Variants in ZNF521 observed in about 807,000 individuals in gnomAD.
The protein encoded by ZNF521 is zinc finger protein 521.
ZNF521 carries 14 observed loss-of-function variants against 105.5 expected under a neutral mutation model. That is an observed-to-expected ratio of 0.13 (90% CI 0.09 to 0.21). The LOEUF (loss-of-function observed/expected upper bound fraction) is 0.21. Among genes scored for constraint, ZNF521 ranks in the 10% least tolerant of loss-of-function variants. The pLI is 1.00. For synonymous variants in ZNF521, 635 were observed against 606.0 expected (o/e 1.05, Z -0.70); for missense variants, 1,233 against 1,629.7 (o/e 0.76, Z 4.19).
At chr18:25,066,923 T>C (rs2033077021) in intron 7 of ZNF521, among the ~76,000 whole-genome samples, 1 of 152,206 alleles carries the variant, frequency 6.6e-6, no homozygotes, top group African/African-American at 2.4e-5. Context: ...AGTACTTTAA[T>C]GCAATGACAG....
chr18:25,087,133 A>G (rs1424812717), intron 7 of ZNF521, among the ~76,000 whole-genome samples: 2 of 152,176 alleles, frequency 1.3e-5, no homozygotes, highest in Non-Finnish European at 2.9e-5. Context: ...GATTTTTAAG[A>G]TGGAAAATGA....
In ZNF521 at chr18:25,225,611, G is replaced by A; in HGVS notation, c.2307C>T (p.Leu769=). The stretch of plus-strand genomic sequence containing the variant: ...TTTCCAGGTGGTTGTGTTTCACATG[G>A]AGCTGCAAGTCAGTTTCGTTGCGGA... ...WDFRNETDLQ[L]HVKHNHLENQ... Residue 769 remains leucine (L), a synonymous_variant, in exon 4 of 8, where the codon CTC becomes CTT. Transcript: ENST00000361524. The surrounding 1 kb of genome is among the most constrained non-coding windows in gnomAD (Gnocchi z 5.6). 6.2e-7 allele frequency: 1 copy of A among 1,614,166 alleles called. No individual in the cohort carries two copies. The highest frequency in any genetic ancestry group is 8.5e-7 in the Non-Finnish European group (1 of 1,180,030).
intron 5 of ZNF521, among the ~76,000 whole-genome samples, chr18:25,180,524 AC>A (rs199555223): frequency 1.3e-4 from 19 of 151,102 alleles, no homozygotes; most frequent in African/African-American, 3.9e-4. Context: ...AAAAAAAAAA[AC>A]CCCACATTTA....
intron 5 of ZNF521, among the ~76,000 whole-genome samples, chr18:25,151,288 CTG>C (rs1257427813): frequency 6.6e-6 from 1 of 152,176 alleles, no homozygotes; most frequent in African/African-American, 2.4e-5. Flanking sequence ...TCCTGGGACT[CTG>C]TACTCATCAT....
chr18:25,290,567 G>A (rs1186284460), intron 3 of ZNF521, among the ~76,000 whole-genome samples: 1 of 150,198 alleles, frequency 6.7e-6, no homozygotes, highest in African/African-American at 2.5e-5. Context: ...TACTTCTATT[G>A]AAGTAGAAGT....
chr18:25,350,697 G>A (rs1401173032), intron 2 of ZNF521, among the ~76,000 whole-genome samples: 1 of 148,940 alleles, frequency 6.7e-6, no homozygotes, highest in Non-Finnish European at 1.5e-5. Context: ...CGCCCCATTC[G>A]GGGATCCTCC....
Position 25,172,028 on chromosome 18 carries a change from G to C in ZNF521, c.3658+23132C>G, listed in dbSNP as rs114930075. Among the ~76,000 whole-genome samples the C allele has an allele frequency of 3.3e-3, 508 of 151,842 alleles. 2 individuals are homozygous for C. Among genetic ancestry groups the C allele is most frequent in the African/African-American group, 0.012 (481 of 41,432 alleles). The stretch of plus-strand genomic sequence containing the variant: ...GATATGATTCCTGCAGTTCTCTTTT[G>C]GGGGGGAAGAGGGGGCATGAGGTGG... On this transcript the variant is annotated intron_variant, in intron 5 of 7. Transcript: ENST00000361524.
chr18:25,157,560 G>A (rs567122894), intron 5 of ZNF521, among the ~76,000 whole-genome samples: 3 of 152,266 alleles, frequency 2.0e-5, no homozygotes, highest in East Asian at 3.9e-4. Flanking sequence ...CGTGCAAAAC[G>A]TCTAAGTGGA....
At chr18:25,278,303 A>C (rs1456353743) in intron 3 of ZNF521, among the ~76,000 whole-genome samples, 1 of 152,200 alleles carries the variant, frequency 6.6e-6, no homozygotes, top group East Asian at 1.9e-4. Context: ...TCATTAGTAA[A>C]TGCCTCAGCA....
intron 7 of ZNF521, among the ~76,000 whole-genome samples, chr18:25,087,029 TTCTAGACGCTAC>T (rs1184433345): frequency 6.6e-6 from 1 of 152,194 alleles, no homozygotes; most frequent in East Asian, 1.9e-4. Flanking sequence ...CAGTGAAGTT[TTCTAGACGCTAC>T]CTGATATGTG....
intron 7 of ZNF521, among the ~76,000 whole-genome samples, chr18:25,083,638 T>C (rs2033553244): frequency 6.6e-6 from 1 of 152,262 alleles, no homozygotes; most frequent in South Asian, 2.1e-4. Context: ...TTTCTTTGCC[T>C]ATCTTCTCTT....
chr18:25,349,716 G>A (rs1914630228), intron 2 of ZNF521, among the ~76,000 whole-genome samples: 1 of 151,540 alleles, frequency 6.6e-6, no homozygotes, highest in Non-Finnish European at 1.5e-5. Flanking sequence ...GCAGCCAGGA[G>A]GAAGAGGATG....
chr18:25,226,507 C>A lies in ZNF521; in HGVS notation c.1411G>T (p.Ala471Ser). 1 of 1,614,114 alleles carries A rather than the reference C, an allele frequency of 6.2e-7. No individual in the cohort carries two copies. The highest frequency in any genetic ancestry group is 1.1e-5 in the South Asian group (1 of 91,084). ...EAQDPGLIVS[A>S]MPAIVYQCNF... ...CACTGGTAGACAATGGCAGGCATGGCAGAAACAATCAGACCTGGGTCCTGA... is the reference window on the plus strand; with the variant it reads ...CACTGGTAGACAATGGCAGGCATGGAAGAAACAATCAGACCTGGGTCCTGA... Residue 471 changes from alanine to serine, a missense_variant, in exon 4 of 8, where the codon GCC (alanine) becomes TCC (serine). Ala to Ser is a moderately conservative substitution (Grantham distance 99). This residue lies in a region of ZNF521 where 380 missense variants were observed against 478.0 expected (regional missense o/e 0.80). Transcript: ENST00000361524. The surrounding 1 kb of genome is among the most constrained non-coding windows in gnomAD (Gnocchi z 4.1).
chr18:25,277,778 C>T (rs754688284), intron 3 of ZNF521, among the ~76,000 whole-genome samples: 3 of 152,158 alleles, frequency 2.0e-5, no homozygotes, highest in Non-Finnish European at 2.9e-5. Context: ...TAACAGTTAT[C>T]ATTGATGGCA....
rs1555658165 is a variant in ZNF521, at chr18:25,284,910, G to GCGCACACACACA, written c.220+37097_220+37098insTGTGTGTGTGCG. Among the ~76,000 whole-genome samples, 459 of 148,668 alleles carry GCGCACACACACA rather than the reference G, an allele frequency of 3.1e-3. 3 individuals carry two copies. The highest frequency in any genetic ancestry group is 0.011 in the African/African-American group (439 of 40,818). On this transcript the variant is annotated intron_variant, in intron 3 of 7. Coordinates refer to ENST00000361524, the MANE Select transcript of ZNF521 (RefSeq NM_015461.3). ...CAAACACTCATGTGCGTGCGCGCGC[G>GCGCACACACACA]CACACACACACACACACACACACAG...
intron 5 of ZNF521, among the ~76,000 whole-genome samples, chr18:25,106,361 G>C (rs2034073527): frequency 6.6e-6 from 1 of 151,832 alleles, no homozygotes; most frequent in Non-Finnish European, 1.5e-5. Context: ...CAAATGATTG[G>C]GGTTAACAAA....
At chr18:25,109,545 C>T (rs12953891) in intron 5 of ZNF521, among the ~76,000 whole-genome samples, 22,705 of 152,092 alleles carry the variant, frequency 0.15, 1,766 homozygotes, top group Middle Eastern at 0.22. Context: ...TCATAGAGGT[C>T]GTACTAATTT....
At chr18:25,267,504 G>A (rs1045546551) in intron 3 of ZNF521, among the ~76,000 whole-genome samples, 7 of 152,124 alleles carry the variant, frequency 4.6e-5, no homozygotes, top group African/African-American at 1.7e-4. Context: ...CAGTAGTGGT[G>A]GACAGACACC....
intron 5 of ZNF521, among the ~76,000 whole-genome samples, chr18:25,120,131 A>G (rs1181237858): frequency 6.6e-6 from 1 of 152,248 alleles, no homozygotes; most frequent in Admixed American, 6.5e-5. Flanking sequence ...TAAAAAAGGA[A>G]GGAAGAAAGG....
Sources: gnomAD v4.1 joint callset for allele counts (sites outside exome capture counted in the v4.1 genomes callset) on GRCh38, gnomAD v4.1.1 for gene constraint, gnomAD v4.1.1 regional missense constraint, Gnocchi (gnomAD v3.1) non-coding constraint, MANE v1.5 for transcripts, NCBI Gene and HGNC (gene_info 2026-07-23, HGNC 2026-07-21) for gene names.